CYP39A1: variants seen among roughly 807,000 people sequenced by gnomAD.
The protein encoded by CYP39A1 is 24-hydroxycholesterol 7-alpha-hydroxylase.
Under a neutral mutation model 58.1 loss-of-function variants are expected in CYP39A1, and 49 were observed. The observed-to-expected ratio is 0.84, with a 90% CI of 0.67 to 1.07. The LOEUF (loss-of-function observed/expected upper bound fraction) is 1.07. Among genes scored for constraint, CYP39A1 ranks in the 50% least tolerant of loss-of-function variants. The probability of loss-of-function intolerance (pLI) is 0.00; values close to 1 mark genes in which losing one functional copy is unlikely to be tolerated. For synonymous variants in CYP39A1, 209 were observed against 187.6 expected (o/e 1.11, Z -0.93); for missense variants, 531 against 539.4 (o/e 0.98, Z 0.16).
chr6:46,594,521 T>C (rs1031916859), intron 8 of CYP39A1, among the ~76,000 whole-genome samples: 6 of 152,006 alleles, frequency 3.9e-5, no homozygotes, highest in African/African-American at 1.4e-4. Context: ...TTACAGTCAA[T>C]TGAATGTCAA....
intron 10 of CYP39A1, among the ~76,000 whole-genome samples, chr6:46,574,442 T>C (rs879931086): frequency 2.0e-5 from 3 of 152,140 alleles, no homozygotes; most frequent in Non-Finnish European, 4.4e-5. Flanking sequence ...GATATCCAAG[T>C]GAAAATTAAA....
chr6:46,580,495 A>C (rs806483), intron 10 of CYP39A1, among the ~76,000 whole-genome samples: 27,147 of 152,182 alleles, frequency 0.18, 4,704 homozygotes, highest in African/African-American at 0.44. Context: ...AAAAACAAAA[A>C]TAGACAGGTG....
At chr6:46,631,140 T>A in intron 5 of CYP39A1, 70 bp from the exon 6 acceptor site, 1 of 1,203,984 alleles carries the variant, frequency 8.3e-7, no homozygotes, top group Non-Finnish European at 1.2e-6. Context: ...AAACAAGAGA[T>A]CATGCCTTTT....
chr6:46,600,241 T>A (rs1267710731), intron 7 of CYP39A1, among the ~76,000 whole-genome samples: 1 of 151,962 alleles, frequency 6.6e-6, no homozygotes, highest in Non-Finnish European at 1.5e-5. Flanking sequence ...CGATTCAGCC[T>A]CCTGAGTTGC....
chr6:46,599,451 A>G (rs1773360344), intron 7 of CYP39A1, among the ~76,000 whole-genome samples: 1 of 152,146 alleles, frequency 6.6e-6, no homozygotes, highest in African/African-American at 2.4e-5. Flanking sequence ...GACTAGGTCA[A>G]TCAACTGTAG....
intron 7 of CYP39A1, among the ~76,000 whole-genome samples, chr6:46,606,312 G>C: frequency 6.6e-6 from 1 of 152,088 alleles, no homozygotes; most frequent in Non-Finnish European, 1.5e-5. Context: ...TCAGTGTCAT[G>C]TGAGAAAAAT....
chr6:46,630,999 G>C lies in CYP39A1; in HGVS notation c.804C>G (p.Leu268=). 6.2e-7 allele frequency: 1 copy of C among 1,614,036 alleles called. No homozygotes were observed. The highest frequency in any genetic ancestry group is 8.5e-7 in the Non-Finnish European group (1 of 1,179,976). ...TAGACAGAGAAGCCCAAAGCAGTAA[G>C]AGCCCATAATTGGGTGAGTTTTCCT... The part of the protein sequence containing the change: ...TSKENSPNYG[L]LLLWASLSNA... Residue 268 remains leucine, a synonymous_variant, in exon 6 of 12, where the codon CTC becomes CTG. Transcript: ENST00000275016.
intron 10 of CYP39A1, among the ~76,000 whole-genome samples, chr6:46,556,849 G>C (rs561887491): frequency 5.8e-4 from 88 of 152,008 alleles, no homozygotes; most frequent in South Asian, 3.3e-3. Flanking sequence ...AAAGTTAACA[G>C]GCTTAGAAAA....
At chr6:46,608,181 C>T (rs1773967523) in intron 7 of CYP39A1, among the ~76,000 whole-genome samples, 1 of 152,164 alleles carries the variant, frequency 6.6e-6, no homozygotes, top group Non-Finnish European at 1.5e-5. Context: ...ACTGTCACTT[C>T]AGAAAATTAT....
chr6:46,646,793 G>A (rs190503849), intron 1 of CYP39A1, among the ~76,000 whole-genome samples: 12 of 152,020 alleles, frequency 7.9e-5, no homozygotes, highest in Admixed American at 3.3e-4. Context: ...GTTAGAATAC[G>A]TTTTTCTAAG....
Position 46,604,358 on chromosome 6 carries a change from AGTGCTTTTTCCTT to A in CYP39A1, c.932-8251_932-8239del, listed in dbSNP as rs528700928. Among the ~76,000 whole-genome samples, 301 of 152,284 alleles carry A rather than the reference AGTGCTTTTTCCTT, an allele frequency of 2.0e-3. 1 individual carries two copies. Among genetic ancestry groups the A allele is most frequent in the African/African-American group, 7.1e-3 (295 of 41,552 alleles). Reference sequence around the variant, plus strand: ...TCTCAGCTATCCCGATTTTTACTCTAGTGCTTTTTCCTTGAGGTATAAACATCTCTTGGCTGCC... The same window carrying A: ...TCTCAGCTATCCCGATTTTTACTCTAGAGGTATAAACATCTCTTGGCTGCC... On this transcript the variant is annotated intron_variant, in intron 7 of 11. Coordinates refer to ENST00000275016, the MANE Select transcript of CYP39A1 (RefSeq NM_016593.5).
chr6:46,607,486 C>T (rs545105905), intron 7 of CYP39A1, among the ~76,000 whole-genome samples: 1 of 151,868 alleles, frequency 6.6e-6, no homozygotes, highest in South Asian at 2.1e-4. Context: ...CACACACACA[C>T]ACACATGCAT....
At chr6:46,583,785 C>T (rs549968198) in intron 10 of CYP39A1, among the ~76,000 whole-genome samples, 1 of 152,242 alleles carries the variant, frequency 6.6e-6, no homozygotes, top group African/African-American at 2.4e-5. Context: ...GCACCGAGTA[C>T]ATACTGACTT....
At chr6:46,647,557 T>C (rs545445014) in intron 1 of CYP39A1, among the ~76,000 whole-genome samples, 3 of 152,330 alleles carry the variant, frequency 2.0e-5, no homozygotes, top group African/African-American at 7.2e-5. Flanking sequence ...TCTACACCTG[T>C]TGGTGGGAGG....
intron 1 of CYP39A1, among the ~76,000 whole-genome samples, chr6:46,649,451 C>T (rs1280651103): frequency 6.6e-6 from 1 of 152,172 alleles, no homozygotes; most frequent in Non-Finnish European, 1.5e-5. Flanking sequence ...AAGATCATTG[C>T]AGGTTATCTT....
At chr6:46,573,624 C>T (rs1771702776) in intron 10 of CYP39A1, among the ~76,000 whole-genome samples, 1 of 152,134 alleles carries the variant, frequency 6.6e-6, no homozygotes, top group South Asian at 2.1e-4. Context: ...TTCCAGGGCA[C>T]AGGCATTTTT....
At chr6:46,583,544 A>C (rs934084596) in intron 10 of CYP39A1, 6 of 985,426 alleles carry the variant, frequency 6.1e-6, no homozygotes, top group Non-Finnish European at 7.2e-6. Context: ...TTTCTGAAGA[A>C]GTCTGGTGGT....
At chr6:46,628,534 C>A (rs1036961981) in intron 6 of CYP39A1, among the ~76,000 whole-genome samples, 6 of 152,302 alleles carry the variant, frequency 3.9e-5, no homozygotes, top group Admixed American at 3.3e-4. Flanking sequence ...AAAATAATTT[C>A]ATAAATTATA....
Position 46,631,142 on chromosome 6 carries a change from A to G in CYP39A1, c.733-72T>C, listed in dbSNP as rs1206920199. ...TATCGATGTTAATAAACAAGAGATC[A>G]TGCCTTTTTCTTTAATATGAAAGAT... On this transcript the variant is annotated intron_variant, in intron 5 of 11. Transcript: ENST00000275016. The G allele has an allele frequency of 1.8e-5, 21 of 1,198,776 alleles. No individual in the cohort carries two copies. The East Asian group carries it at 4.4e-4, about 25-fold the overall frequency. 74.3% of individuals were successfully genotyped at this position (1,198,776 alleles called of 1,614,324 possible).
Sources: allele counts gnomAD v4.1 joint callset (sites outside exome capture counted in the v4.1 genomes callset), GRCh38; gene constraint gnomAD v4.1.1; transcripts MANE v1.5; gene names NCBI Gene and HGNC (gene_info 2026-07-23, HGNC 2026-07-21).